LOXL4: variants seen among roughly 807,000 people sequenced by gnomAD.
The protein encoded by LOXL4 is lysyl oxidase homolog 4.
In LOXL4, 72 loss-of-function variants were observed where a neutral mutation model predicts 89.1. The ratio of observed to expected loss-of-function variants is 0.81; its 90% CI spans 0.67 to 0.98. The LOEUF is 0.98. Among genes scored for constraint, LOXL4 ranks in the 50% least tolerant of loss-of-function variants. The pLI, the probability that LOXL4 is intolerant of heterozygous loss-of-function variation, is 0.00. For missense variants in LOXL4, 984 were observed against 1,017.5 expected (o/e 0.97, Z 0.45); for synonymous variants, 355 against 392.1 (o/e 0.91, Z 1.12).
chr10:98,262,433 C>G, intron 2 of LOXL4, among the ~76,000 whole-genome samples: 1 of 152,286 alleles, frequency 6.6e-6, no homozygotes, highest in African/African-American at 2.4e-5. Context: ...TGGAAAATGC[C>G]GGGTAGCTCT....
chr10:98,255,458 G>A, intron 10 of LOXL4, 119 bp downstream of exon 10: 1 of 1,142,872 alleles, frequency 8.7e-7, no homozygotes, highest in South Asian at 1.8e-5. Context: ...AAATGGCAGA[G>A]CTGGTACTTT....
intron 10 of LOXL4, among the ~76,000 whole-genome samples, chr10:98,254,366 C>T (rs1370757158): frequency 1.3e-5 from 2 of 152,194 alleles, no homozygotes; most frequent in African/African-American, 4.8e-5. Context: ...AAGTGAGGCC[C>T]TGCCACACCA....
At chr10:98,252,227 CTT>C in intron 12 of LOXL4, 124 bp downstream of exon 12, 1 of 712,580 alleles carries the variant, frequency 1.4e-6, no homozygotes, top group Admixed American at 2.5e-5. Flanking sequence ...TGAATGCTAA[CTT>C]TTCAAGCCAG....
At chr10:98,267,224 A>G in intron 1 of LOXL4, among the ~76,000 whole-genome samples, 1 of 151,760 alleles carries the variant, frequency 6.6e-6, no homozygotes, top group East Asian at 1.9e-4. Flanking sequence ...GGGGAGGAGG[A>G]AAGGAAGGCC....
At chr10:98,263,443 T>C (rs1322515744) in intron 1 of LOXL4, among the ~76,000 whole-genome samples, 2 of 152,184 alleles carry the variant, frequency 1.3e-5, no homozygotes, top group Non-Finnish European at 2.9e-5. Context: ...TAAAATCTTA[T>C]GTGTAGGCAG....
chr10:98,265,091 G>A (rs12776636), intron 1 of LOXL4, among the ~76,000 whole-genome samples: 47,159 of 152,128 alleles, frequency 0.31, 7,475 homozygotes, highest in Non-Finnish European at 0.35. Flanking sequence ...ATAGTGTCAG[G>A]TGTGTAGGTG....
Position 98,253,620 on chromosome 10 carries a change from T to G in LOXL4, c.1768A>C (p.Asn590His), listed in dbSNP as rs1858268421. 9 of 1,614,232 alleles carry G rather than the reference T, an allele frequency of 5.6e-6. No homozygotes were observed. The East Asian group carries it at 1.8e-4, about 32-fold the overall frequency. ...GGACGAAAGTCAGTCCGGCCCAGAT[T>G]GTAGATCTGTGTGGAGAAGCGCAAT... ...RLLRFSTQIYNLGRTDFRPKT... is the reference protein window; with the variant it reads ...RLLRFSTQIYHLGRTDFRPKT... The change falls in exon 11 of 15, where the codon AAT becomes CAT. Residue 590 changes from asparagine to histidine, a missense_variant. Coordinates refer to ENST00000260702, the MANE Select transcript of LOXL4 (RefSeq NM_032211.7).
chr10:98,259,244 G>C lies in LOXL4; in HGVS notation c.702-16C>G, dbSNP rs1417120952. The stretch of plus-strand genomic sequence containing the variant: ...GCTCTTCAGCCTAGAGGACAAGGGA[G>C]ACTGAGGGTGGAGGAAGGGCTGAGG... On this transcript the variant is annotated splice_polypyrimidine_tract_variant and intron_variant, in intron 5 of 14. Coordinates refer to ENST00000260702, the MANE Select transcript of LOXL4 (RefSeq NM_032211.7). The C allele has an allele frequency of 2.5e-6, 4 of 1,605,642 alleles. No homozygotes were observed.
intron 2 of LOXL4, 137 bp downstream of exon 2, chr10:98,262,606 C>T: frequency 9.0e-7 from 1 of 1,105,670 alleles, no homozygotes. Flanking sequence ...CCATGTGCAG[C>T]TGAGGCACTC....
Position 98,251,124 on chromosome 10 carries a change from A to G in LOXL4, c.2141T>C (p.Met714Thr). 5 of 1,614,158 alleles carry G rather than the reference A, an allele frequency of 3.1e-6. No homozygotes were observed. Among genetic ancestry groups the G allele is most frequent in the Non-Finnish European group, 4.2e-6 (5 of 1,180,038 alleles). ...EVAESDFSNN[M>T]LQCRCKYDGH... ...ATCATACTTGCAGCGGCACTGCAGC[A>G]TATTGTTGGAGAAATCTGACTCTGC... The change falls in exon 14 of 15, where the codon ATG becomes ACG. Residue 714 changes from methionine to threonine, a missense_variant. By Grantham distance (81) the Met-to-Thr change is moderately conservative (BLOSUM62 -1). Transcript: ENST00000260702.
At chr10:98,260,704 GACA>G (rs1858510882) in intron 4 of LOXL4, among the ~76,000 whole-genome samples, 1 of 152,076 alleles carries the variant, frequency 6.6e-6, no homozygotes. Context: ...TCCTGCCACA[GACA>G]ACACCACTGC....
rs1158271294 is a variant in LOXL4, at chr10:98,261,108, A to G, written c.476T>C (p.Val159Ala). ...LGPQGRRLEE[V>A]RLKPILASAK... The stretch of plus-strand genomic sequence containing the variant: ...ACTGGCAAGGATGGGCTTGAGCCGC[A>G]CCTCCTCCAGCCGCCGGCCCTGCGG... The change falls in exon 4 of 15, where the codon GTG becomes GCG. Residue 159 changes from valine to alanine, a missense_variant. By Grantham distance (64) the Val-to-Ala change is moderately conservative (BLOSUM62 0). Coordinates refer to ENST00000260702, the MANE Select transcript of LOXL4 (RefSeq NM_032211.7). 1 of 1,611,890 alleles carries G rather than the reference A, an allele frequency of 6.2e-7. No homozygotes were observed. The highest frequency in any genetic ancestry group is 1.1e-5 in the South Asian group (1 of 91,042).
At chr10:98,251,472 G>A (rs1225697533) in intron 13 of LOXL4, 94 bp downstream of exon 13, 1 of 1,538,154 alleles carries the variant, frequency 6.5e-7, no homozygotes, top group Non-Finnish European at 8.8e-7. Context: ...CGGAAACCCT[G>A]TATGGGAAAT....
At chr10:98,255,129 A>T (rs957750020) in intron 10 of LOXL4, among the ~76,000 whole-genome samples, 2 of 152,238 alleles carry the variant, frequency 1.3e-5, no homozygotes, top group African/African-American at 2.4e-5. Flanking sequence ...GAGAACACAC[A>T]GCTGGGCCTT....
In LOXL4 at chr10:98,251,555, A is replaced by T; in HGVS notation, c.2088+11T>A. On this transcript the variant is annotated intron_variant, in intron 13 of 14. Transcript: ENST00000260702. ...AATCAGGCTCTGTGGGGAATCCCCC[A>T]GCCGCCTTACCTGGAAGATATAATT... 1.2e-6 allele frequency: 2 copies of T among 1,613,724 alleles called. No individual in the cohort carries two copies. Among genetic ancestry groups the T allele is most frequent in the South Asian group, 2.2e-5 (2 of 90,996 alleles).
intron 11 of LOXL4, among the ~76,000 whole-genome samples, chr10:98,253,086 T>C (rs961137411): frequency 1.3e-5 from 2 of 152,214 alleles, no homozygotes; most frequent in African/African-American, 4.8e-5. Flanking sequence ...TTGTCACTTT[T>C]TTAGTGGCAG....
chr10:98,250,968 C>A (rs1032028781), intron 14 of LOXL4, 97 bp downstream of exon 14: 2 of 839,680 alleles, frequency 2.4e-6, no homozygotes, highest in Non-Finnish European at 4.0e-6. Flanking sequence ...CACACACATA[C>A]AAGTCACACG....
In LOXL4 at chr10:98,248,197, T is replaced by C. The variant is rs971840199; in HGVS notation, c.*724A>G. On this transcript the variant is annotated 3_prime_UTR_variant, in exon 15 of 15. Coordinates refer to ENST00000260702, the MANE Select transcript of LOXL4 (RefSeq NM_032211.7). ...TCAGCAGTCTTTCTGCTTGGCCTAC[T>C]CTTGCTGCTCTGTAGGAAGGCCCTA... 5.3e-5 allele frequency: 8 copies of C among 152,180 alleles called. No homozygotes were observed. Among genetic ancestry groups the C allele is most frequent in the African/African-American group, 1.4e-4 (6 of 41,410 alleles). The allele number at this position is 152,180 out of a possible 1,614,324, so 9.4% of individuals were successfully genotyped here.
At chr10:98,254,271 C>T (rs1237224911) in intron 10 of LOXL4, among the ~76,000 whole-genome samples, 1 of 152,242 alleles carries the variant, frequency 6.6e-6, no homozygotes, top group Non-Finnish European at 1.5e-5. Context: ...ATATAATCCT[C>T]TCAAAAAGCT....
Sources: allele counts gnomAD v4.1 joint callset (sites outside exome capture counted in the v4.1 genomes callset), GRCh38; gene constraint gnomAD v4.1.1; transcripts MANE v1.5; gene names NCBI Gene and HGNC (gene_info 2026-07-23, HGNC 2026-07-21).